Variants in TPR observed in about 807,000 individuals in gnomAD.
TPR encodes nucleoprotein TPR.
In TPR, 51 loss-of-function variants were observed where a neutral mutation model predicts 316.1. The observed-to-expected ratio is 0.16, with a 90% CI of 0.13 to 0.20. TPR has a LOEUF of 0.20. Among genes scored for constraint, TPR ranks in the 10% least tolerant of loss-of-function variants. The pLI, the probability that TPR is intolerant of heterozygous loss-of-function variation, is 1.00. For synonymous variants in TPR, 981 were observed against 914.7 expected (o/e 1.07, Z -1.31); for missense variants, 2,272 against 2,754.8 (o/e 0.82, Z 3.92).
chr1:186,358,312 A>C (rs530833370), intron 13 of TPR, among the ~76,000 whole-genome samples: 22 of 152,244 alleles, frequency 1.4e-4, no homozygotes, highest in African/African-American at 5.3e-4. Flanking sequence ...TCTTTGAATT[A>C]TTTCTTCATT....
chr1:186,329,019 T>C (rs1658078281), intron 39 of TPR, among the ~76,000 whole-genome samples: 1 of 152,138 alleles, frequency 6.6e-6, no homozygotes, highest in South Asian at 2.1e-4. Flanking sequence ...ATTTAAAAAG[T>C]GCCTCAAAGT....
At position 186,356,541 on chromosome 1, in the gene TPR, A is replaced by G. The variant is rs1240826917; in HGVS notation, c.1725-92T>C. The G allele has an allele frequency of 2.1e-5, 26 of 1,217,152 alleles. 1 individual carries two copies. In the South Asian group the frequency reaches 4.8e-4, roughly 22 times the overall value. The allele number at this position is 1,217,152 out of a possible 1,614,324, so 75.4% of individuals were successfully genotyped here. On this transcript the variant is annotated intron_variant, in intron 14 of 50. Coordinates refer to ENST00000367478, the MANE Select transcript of TPR (RefSeq NM_003292.3). ...AATTAACCAAGCATCTTTGCCTACC[A>G]TTCATCATACCATTTTTGTCTCTCT...
intron 1 of TPR, among the ~76,000 whole-genome samples, 184 bp downstream of exon 1, chr1:186,374,694 A>AT (rs939194497): frequency 6.6e-5 from 10 of 151,780 alleles, no homozygotes; most frequent in East Asian, 5.8e-4. Flanking sequence ...TTAGATTCAG[A>AT]TTTTTTTTTC....
At chr1:186,341,794 G>A (rs1658512164) in intron 27 of TPR, 1 of 158,966 alleles carries the variant, frequency 6.3e-6, no homozygotes, top group East Asian at 1.9e-4. Flanking sequence ...CATCACTTTG[G>A]CCATGAGAAA....
At chr1:186,345,511 T>C (rs1447078980) in intron 24 of TPR, 69 bp downstream of exon 24, 62 of 1,224,272 alleles carry the variant, frequency 5.1e-5, no homozygotes, top group Non-Finnish European at 7.1e-5. Context: ...GTTCTTATAA[T>C]GCATAAATAT....
chr1:186,334,454 C>G lies in TPR; in HGVS notation c.5053G>C (p.Ala1685Pro), dbSNP rs372227423. 6 of 1,613,564 alleles carry G rather than the reference C, an allele frequency of 3.7e-6. No individual in the cohort carries two copies. In the African/African-American group the frequency reaches 8.0e-5, roughly 22 times the overall value. ...VSTPSKVTAA[A>P]MAGNKSTPRA... is the part of the protein sequence containing the mutation. ...GGTGTTGACTTATTTCCAGCCATAG[C>G]TGCAGCTGTCACTTTACTTGGAGTA... The change falls in exon 36 of 51, where the codon GCT becomes CCT. Residue 1685 changes from alanine to proline, a missense_variant. Physicochemically the swap from Ala to Pro is conservative, Grantham distance 27 (BLOSUM62 -1). Around this residue, in one of 10 missense-constraint regions of TPR, gnomAD observed 109 missense variants for 215.3 expected, o/e 0.51. Coordinates refer to ENST00000367478, the MANE Select transcript of TPR (RefSeq NM_003292.3).
chr1:186,334,577 A>C, intron 35 of TPR, 44 bp from the exon 36 acceptor site: 1 of 1,559,234 alleles, frequency 6.4e-7, no homozygotes, highest in Non-Finnish European at 8.8e-7. Context: ...ACAAATTATT[A>C]TGCAAATACT....
rs1265555044 is a variant in TPR, at chr1:186,362,319, T to C, written c.758A>G (p.His253Arg). Residue 253 changes from histidine (H) to arginine (R), a missense_variant, in exon 7 of 51, where the codon CAT becomes CGT. Physicochemically the swap from His to Arg is conservative, Grantham distance 29. Transcript: ENST00000367478. ...TAATTTGGTCAACAGATCCTCCACA[T>C]GCTTTTGAAGATGTTCATTTGATGT... ...LKTSNEHLQK[H>R]VEDLLTKLKE... 4 of 1,612,426 alleles carry C rather than the reference T, an allele frequency of 2.5e-6. No individual in the cohort carries two copies. Among genetic ancestry groups the C allele is most frequent in the Non-Finnish European group, 3.4e-6 (4 of 1,178,914 alleles).
At position 186,355,407 on chromosome 1, in the gene TPR, T is replaced by C. The variant is rs543092989; in HGVS notation, c.2171+3A>G. On this transcript the variant is annotated splice_donor_region_variant and intron_variant, in intron 17 of 50. Transcript: ENST00000367478. ...AATTAATTTGAAACAAAAGAAAACTTACCGTTTAGAAGCAAAATCTAGCTG... is the reference window on the plus strand; with the variant it reads ...AATTAATTTGAAACAAAAGAAAACTCACCGTTTAGAAGCAAAATCTAGCTG... The C allele has an allele frequency of 3.7e-6, 6 of 1,605,054 alleles. No homozygotes were observed. In the South Asian group the frequency reaches 6.8e-5, roughly 18 times the overall value.
rs1478868414 is a variant in TPR at position 186,336,578 on chromosome 1, C to A, written c.4623G>T (p.Gln1541His). The change falls in exon 33 of 51, where the codon CAG becomes CAT. Residue 1541 changes from glutamine to histidine, a missense_variant. Physicochemically the swap from Gln to His is conservative, Grantham distance 24 (BLOSUM62 0). This residue lies in a region of TPR where 101 missense variants were observed against 113.0 expected (regional missense o/e 0.89). Transcript: ENST00000367478. ...DLQDRTTQEEQLRQQITEKEE... is the reference protein window; with the variant it reads ...DLQDRTTQEEHLRQQITEKEE... ...CCTTTTCAGTTATCTGTTGTCGGAG[C>A]TGCTCCTCCTGTGTGGTTCTATCTT... The A allele has an allele frequency of 1.2e-6, 2 of 1,613,798 alleles. No homozygotes were observed. The highest frequency in any genetic ancestry group is 1.7e-6 in the Non-Finnish European group (2 of 1,179,902).
chr1:186,360,394 T>G (rs1343002467), intron 10 of TPR, 30 bp from the exon 11 acceptor site: 1 of 1,606,944 alleles, frequency 6.2e-7, no homozygotes, highest in East Asian at 2.2e-5. Flanking sequence ...TCTAGTATAA[T>G]TTGTAAAATT....
chr1:186,374,731 G>T, intron 1 of TPR, 147 bp downstream of exon 1: 2 of 798,688 alleles, frequency 2.5e-6, no homozygotes, highest in Non-Finnish European at 1.9e-6. Context: ...ACTGTAAGGA[G>T]CAGGAAAGCG....
At chr1:186,323,597 A>G (rs941973703) in intron 43 of TPR, 89 bp downstream of exon 43, 8 of 1,245,210 alleles carry the variant, frequency 6.4e-6, no homozygotes, top group Non-Finnish European at 8.5e-6. Context: ...TAAAAAAACC[A>G]AGAGAGAGAG....
At chr1:186,325,291 T>G (rs1657888329) in intron 42 of TPR, among the ~76,000 whole-genome samples, 1 of 152,170 alleles carries the variant, frequency 6.6e-6, no homozygotes, top group South Asian at 2.1e-4. Flanking sequence ...CCCACAACTT[T>G]TCAGTGGACC....
At chr1:186,361,760 G>C in intron 8 of TPR, 29 bp downstream of exon 8, 1 of 1,612,890 alleles carries the variant, frequency 6.2e-7, no homozygotes, top group Non-Finnish European at 8.5e-7. Flanking sequence ...GCAACATTTA[G>C]ATACTAACAT....
intron 29 of TPR, among the ~76,000 whole-genome samples, chr1:186,340,752 T>C (rs2102071962): frequency 6.6e-6 from 1 of 152,204 alleles, no homozygotes; most frequent in East Asian, 1.9e-4. Context: ...TTTTCATGTA[T>C]AAAAATATTT....
rs1294044348 is a variant in TPR, at chr1:186,374,900, A to G, written c.129T>C (p.His43=). The change falls in exon 1 of 51, where the codon CAT becomes CAC. Residue 43 remains histidine, a synonymous_variant. Transcript: ENST00000367478. The part of the protein sequence containing the change: ...QSEIDGLKGR[H]EKFKVESEQQ... ...TACCGCTCTCCACCTTAAATTTCTCATGCCGCCCCTTCAGGCCATCGATCT... is the reference window on the plus strand; with the variant it reads ...TACCGCTCTCCACCTTAAATTTCTCGTGCCGCCCCTTCAGGCCATCGATCT... The G allele has an allele frequency of 6.3e-7, 1 of 1,598,358 alleles. No individual in the cohort carries two copies. The highest frequency in any genetic ancestry group is 2.3e-5 in the East Asian group (1 of 44,374).
chr1:186,327,547 C>G lies in TPR; in HGVS notation c.5802G>C (p.Gln1934His). Reference protein sequence around the residue: ...QSDQQTTTSSQDGQGKGDDVI... With the variant: ...QSDQQTTTSSHDGQGKGDDVI... ...CATCATCTCCTTTGCCTTGACCATC[C>G]TGGGATGAAGTTGTCGTCTGCTGAT... Residue 1934 changes from glutamine to histidine, a missense_variant, in exon 40 of 51, where the codon CAG (glutamine) becomes CAC (histidine). By Grantham distance (24) the Gln-to-His change is conservative. This residue lies in a region of TPR where 435 missense variants were observed against 461.1 expected (regional missense o/e 0.94). Coordinates refer to ENST00000367478, the MANE Select transcript of TPR (RefSeq NM_003292.3). The G allele has an allele frequency of 6.2e-7, 1 of 1,611,978 alleles. No individual in the cohort carries two copies.
intron 4 of TPR, among the ~76,000 whole-genome samples, chr1:186,366,572 TCTCAA>T (rs1179859185): frequency 6.6e-6 from 1 of 152,182 alleles, no homozygotes; most frequent in Non-Finnish European, 1.5e-5. Flanking sequence ...CAACTGTAGT[TCTCAA>T]CTCTCTTATT....
Sources: allele counts gnomAD v4.1 joint callset (sites outside exome capture counted in the v4.1 genomes callset), GRCh38; gene constraint gnomAD v4.1.1; regional missense constraint gnomAD v4.1.1; transcripts MANE v1.5; gene names NCBI Gene and HGNC (gene_info 2026-07-23, HGNC 2026-07-21).